DLG2: variants seen among roughly 807,000 people sequenced by gnomAD.
DLG2 encodes the protein disks large homolog 2.
A neutral mutation model predicts 132.5 loss-of-function variants in DLG2; 45 were observed. The observed-to-expected ratio is 0.34, with a 90% CI of 0.27 to 0.44. DLG2 has a LOEUF of 0.44. DLG2 is among the 20% of genes least tolerant of loss of function. The pLI, the probability that DLG2 is intolerant of heterozygous loss-of-function variation, is 1.00. For synonymous variants in DLG2, 424 were observed against 419.6 expected, an observed-to-expected ratio of 1.01 and a Z score of -0.13; for missense variants, 1,045 against 1,196.9, an observed-to-expected ratio of 0.87 and a Z score of 1.87.
At chr11:84,006,372 A>G (rs2094571973) in intron 11 of DLG2, among the ~76,000 whole-genome samples, 1 of 151,692 alleles carries the variant, frequency 6.6e-6, no homozygotes, top group African/African-American at 2.4e-5. Flanking sequence ...TATTGTTCAA[A>G]AGCAGAGTAG....
intron 6 of DLG2, among the ~76,000 whole-genome samples, chr11:84,727,420 G>A (rs1257648215): frequency 6.6e-6 from 1 of 152,022 alleles, no homozygotes; most frequent in African/African-American, 2.4e-5. Flanking sequence ...GTGGTGTTAT[G>A]TCTGAGGCCT....
In DLG2 at chr11:84,940,646, T is replaced by A. The variant is rs986193641; in HGVS notation, c.357+171015A>T. ...GTCTCTTAATCCCTTGTCAAATGGGTAGTTTGCAAACATTTTATCCCATTC... is the reference window on the plus strand; with the variant it reads ...GTCTCTTAATCCCTTGTCAAATGGGAAGTTTGCAAACATTTTATCCCATTC... On this transcript the variant is annotated intron_variant, in intron 6 of 27. Coordinates refer to ENST00000376104, the MANE Select transcript of DLG2 (RefSeq NM_001142699.3). 2.0e-5 allele frequency among the ~76,000 whole-genome samples: 3 copies of A among 152,210 alleles called. 1 individual carries two copies. Among genetic ancestry groups the A allele is most frequent in the African/African-American group, 7.2e-5 (3 of 41,458 alleles).
At chr11:83,771,599 A>C (rs1048309854) in intron 18 of DLG2, among the ~76,000 whole-genome samples, 1 of 152,194 alleles carries the variant, frequency 6.6e-6, no homozygotes, top group Non-Finnish European at 1.5e-5. Flanking sequence ...GGCAACTGTA[A>C]CACAACGTAA....
intron 7 of DLG2, among the ~76,000 whole-genome samples, chr11:84,269,422 C>T (rs2097690892): frequency 6.6e-6 from 1 of 152,224 alleles, no homozygotes; most frequent in Non-Finnish European, 1.5e-5. Flanking sequence ...TACTGAGCGT[C>T]AAAATTCTGT....
At chr11:85,535,409 G>A (rs545004076) in intron 3 of DLG2, among the ~76,000 whole-genome samples, 1 of 152,150 alleles carries the variant, frequency 6.6e-6, no homozygotes, top group African/African-American at 2.4e-5. Context: ...AATAATGTCA[G>A]TGCGTAGCAG....
At chr11:85,166,369 T>TA (rs748387168) in intron 4 of DLG2, among the ~76,000 whole-genome samples, 3 of 152,136 alleles carry the variant, frequency 2.0e-5, no homozygotes, top group Non-Finnish European at 4.4e-5. Context: ...GTATTTCCTC[T>TA]AAAAAATCAC....
At chr11:84,649,991 A>T (rs2099679613) in intron 6 of DLG2, among the ~76,000 whole-genome samples, 1 of 152,166 alleles carries the variant, frequency 6.6e-6, no homozygotes, top group African/African-American at 2.4e-5. Flanking sequence ...TTGAGTCCAT[A>T]ATATAATCTC....
chr11:85,127,762 A>C (rs984598864), intron 5 of DLG2, among the ~76,000 whole-genome samples: 1 of 152,218 alleles, frequency 6.6e-6, no homozygotes, highest in African/African-American at 2.4e-5. Flanking sequence ...TTTTCTCTAC[A>C]TGAAGCTCTG....
intron 5 of DLG2, among the ~76,000 whole-genome samples, chr11:85,153,644 G>T (rs548116421): frequency 6.6e-6 from 1 of 152,154 alleles, no homozygotes; most frequent in East Asian, 1.9e-4. Context: ...AATAAAGAAA[G>T]AAACCATATT....
chr11:83,753,773 G>GGCATATATATGTCATATATATGATATA (rs2093453547), intron 18 of DLG2, among the ~76,000 whole-genome samples: 7 of 128,374 alleles, frequency 5.5e-5, no homozygotes, highest in Non-Finnish European at 9.7e-5. Context: ...TATATGATAT[G>GGCATATATATGTCATATATATGATATA]GCATATATAT....
At chr11:85,280,770 T>C (rs1429149724) in intron 4 of DLG2, among the ~76,000 whole-genome samples, 3 of 152,012 alleles carry the variant, frequency 2.0e-5, no homozygotes, top group Admixed American at 6.6e-5. Context: ...TAGAATATTG[T>C]AGAATAGAGA....
chr11:84,366,560 G>A (rs997603032), intron 7 of DLG2, among the ~76,000 whole-genome samples: 4 of 152,174 alleles, frequency 2.6e-5, no homozygotes, highest in East Asian at 1.9e-4. Context: ...TTGTATTCAG[G>A]AAACCCATCT....
At chr11:83,932,126 C>G (rs1253756165) in intron 14 of DLG2, among the ~76,000 whole-genome samples, 2 of 151,674 alleles carry the variant, frequency 1.3e-5, no homozygotes, top group Admixed American at 6.6e-5. Flanking sequence ...ACAAATTTGA[C>G]AAAGCCTTCT....
At chr11:84,545,254 G>T (rs2099387343) in intron 6 of DLG2, 1 of 484,602 alleles carries the variant, frequency 2.1e-6, no homozygotes, top group African/African-American at 2.0e-5. Context: ...GCCTCCTAAG[G>T]TTTCTCTCCT....
chr11:84,847,701 T>G (rs979352587), intron 6 of DLG2, among the ~76,000 whole-genome samples: 4 of 152,088 alleles, frequency 2.6e-5, no homozygotes, highest in African/African-American at 9.7e-5. Flanking sequence ...TGATTAAGTC[T>G]CAGAAAAATT....
chr11:84,861,411 A>T (rs189144284), intron 6 of DLG2, among the ~76,000 whole-genome samples: 1 of 152,068 alleles, frequency 6.6e-6, no homozygotes, highest in African/African-American at 2.4e-5. Flanking sequence ...CTGAATCTTG[A>T]TTTCCTATCA....
intron 6 of DLG2, among the ~76,000 whole-genome samples, chr11:84,688,253 G>C (rs1279764879): frequency 6.6e-6 from 1 of 152,152 alleles, no homozygotes; most frequent in African/African-American, 2.4e-5. Context: ...GCTATTGGTA[G>C]TCTCTTGAAC....
At chr11:85,354,367 C>T (rs1340600894) in intron 3 of DLG2, among the ~76,000 whole-genome samples, 2 of 152,062 alleles carry the variant, frequency 1.3e-5, no homozygotes, top group African/African-American at 2.4e-5. Context: ...TATATATAAT[C>T]ACTCAAAACT....
chr11:84,437,740 T>G (rs1211902422), intron 7 of DLG2: 3 of 152,236 alleles, frequency 2.0e-5, no homozygotes, highest in Non-Finnish European at 4.4e-5. Flanking sequence ...CTCACACACA[T>G]CCAGTTGGCT....
Sources: allele counts gnomAD v4.1 joint callset (sites outside exome capture counted in the v4.1 genomes callset), GRCh38; gene constraint gnomAD v4.1.1; transcripts MANE v1.5; gene names NCBI Gene and HGNC (gene_info 2026-07-23, HGNC 2026-07-21).